The following TP63 variants were observed in gnomAD, a reference collection of about 807,000 sequenced individuals.
The protein encoded by TP63 is tumor protein p63, also known as tumor protein 63.
In TP63, 17 loss-of-function variants were observed where a neutral mutation model predicts 82.8. That is an observed-to-expected ratio of 0.21 (90% CI 0.14 to 0.31). The LOEUF (loss-of-function observed/expected upper bound fraction) is 0.31. Ranked by LOEUF, TP63 falls within the 10% of genes least tolerant of loss-of-function variation. The pLI, the probability that TP63 is intolerant of heterozygous loss-of-function variation, is 1.00. For missense variants in TP63, 648 were observed against 895.3 expected (o/e 0.72, Z 3.52); for synonymous variants, 330 against 321.7 (o/e 1.03, Z -0.28).
upstream of TP63, among the ~76,000 whole-genome samples, chr3:189,627,239 T>C (rs1385268072): frequency 6.6e-6 from 1 of 152,194 alleles, no homozygotes; most frequent in Non-Finnish European, 1.5e-5. Context: ...TATGTGATGA[T>C]TGAACTCTTA....
chr3:189,724,867 A>G (rs576941871), intron 1 of TP63, among the ~76,000 whole-genome samples: 1 of 152,264 alleles, frequency 6.6e-6, no homozygotes, highest in East Asian at 1.9e-4. Flanking sequence ...TTCTTCAGGC[A>G]GTGGGGTGGA....
the TP63 span, among the ~76,000 whole-genome samples, chr3:189,620,833 C>T: frequency 6.6e-6 from 1 of 152,354 alleles, no homozygotes; most frequent in East Asian, 1.9e-4. Context: ...AGCTCCCACA[C>T]TCCGTACCAC....
At chr3:189,890,680 T>TG (rs1720925487) in intron 12 of TP63, 109 bp from the exon 13 acceptor site, 2 of 847,100 alleles carry the variant, frequency 2.4e-6, no homozygotes, top group Admixed American at 2.0e-5. Context: ...ATCTCTGATG[T>TG]GGGGCATCCA....
chr3:189,878,119 A>G (rs1395835067), intron 10 of TP63, among the ~76,000 whole-genome samples: 1 of 152,120 alleles, frequency 6.6e-6, no homozygotes, highest in Non-Finnish European at 1.5e-5. Context: ...CATCAAGAAT[A>G]TTGATATTTT....
chr3:189,643,281 G>A (rs1473804980), intron 1 of TP63, among the ~76,000 whole-genome samples: 7 of 152,066 alleles, frequency 4.6e-5, no homozygotes, highest in Admixed American at 6.5e-5. Context: ...GACTACAGGC[G>A]TGAGCCACTG....
intron 1 of TP63, among the ~76,000 whole-genome samples, chr3:189,687,148 A>G (rs1417491580): frequency 6.6e-6 from 1 of 152,144 alleles, no homozygotes; most frequent in Non-Finnish European, 1.5e-5. Flanking sequence ...ACAGTTGGGC[A>G]AAATGAGCTC....
At chr3:189,692,270 T>C (rs1716992444) in intron 1 of TP63, among the ~76,000 whole-genome samples, 1 of 152,224 alleles carries the variant, frequency 6.6e-6, no homozygotes, top group Non-Finnish European at 1.5e-5. Context: ...GATTTTGTGT[T>C]AGAATATGTG....
intron 1 of TP63, among the ~76,000 whole-genome samples, chr3:189,676,046 A>G (rs192859146): frequency 5.5e-4 from 83 of 152,264 alleles, no homozygotes; most frequent in African/African-American, 2.0e-3. Context: ...TATAAAAATT[A>G]TATAGATTTA....
intron 1 of TP63, among the ~76,000 whole-genome samples, chr3:189,644,652 A>C (rs1158899867): frequency 6.6e-6 from 1 of 152,124 alleles, no homozygotes; most frequent in Non-Finnish European, 1.5e-5. Context: ...TGTAACCCAA[A>C]AGTGAGTAGT....
intron 3 of TP63, among the ~76,000 whole-genome samples, chr3:189,803,202 G>A (rs1220728805): frequency 6.6e-6 from 1 of 152,142 alleles, no homozygotes; most frequent in Non-Finnish European, 1.5e-5. Context: ...GGAGGCTGAG[G>A]GAGGAGAATC....
At chr3:189,652,991 G>A (rs1920271) in intron 1 of TP63, among the ~76,000 whole-genome samples, 72,103 of 144,234 alleles carry the variant, frequency 0.5, 22,086 homozygotes, top group Middle Eastern at 0.71. Context: ...TCAGTCTCAG[G>A]CATGTCTTTA....
chr3:189,798,739 C>T lies in TP63; in HGVS notation c.325-9533C>T, dbSNP rs558113667. On this transcript the variant is annotated intron_variant, in intron 3 of 13. Coordinates refer to ENST00000264731, the MANE Select transcript of TP63 (RefSeq NM_003722.5). ...TGAGAAACCTCAAAGCAATTTTTCT[C>T]TTAAACGTGGTATTCCAACTTTTGG... 2.4e-4 allele frequency among the ~76,000 whole-genome samples: 36 copies of T among 152,162 alleles called. 2 individuals carry two copies. In the South Asian group the frequency reaches 7.0e-3, roughly 30 times the overall value.
chr3:189,872,977 A>T lies in TP63; in HGVS notation c.1331A>T (p.Gln444Leu). Residue 444 changes from glutamine to leucine, a missense_variant, in exon 10 of 14, where the codon CAG becomes CTG. Transcript: ENST00000264731. ...TYRQQQQQQH[Q>L]HLLQKQTSIQ... ...AGGCAACAGCAACAGCAGCAGCACC[A>T]GCACTTACTTCAGAAACAGTGAGTG... 1.2e-6 allele frequency: 2 copies of T among 1,614,186 alleles called. No homozygotes were observed. The highest frequency in any genetic ancestry group is 1.7e-6 in the Non-Finnish European group (2 of 1,180,012).
intron 11 of TP63, among the ~76,000 whole-genome samples, chr3:189,888,924 C>T (rs1263374341): frequency 6.6e-6 from 1 of 152,218 alleles, no homozygotes; most frequent in Non-Finnish European, 1.5e-5. Context: ...AGCACCTACT[C>T]TGTGCCAGGC....
chr3:189,854,991 G>A (rs1027150945), intron 4 of TP63, among the ~76,000 whole-genome samples: 1 of 152,188 alleles, frequency 6.6e-6, no homozygotes, highest in African/African-American at 2.4e-5. Flanking sequence ...AGCAGAAGAA[G>A]TGAAAGTATT....
chr3:189,778,250 T>G (rs772605567), intron 3 of TP63, among the ~76,000 whole-genome samples: 25 of 152,236 alleles, frequency 1.6e-4, no homozygotes, highest in Non-Finnish European at 2.9e-4. Context: ...TGTGTTTGTC[T>G]ACAGGTGTAT....
chr3:189,893,066 A>T (rs964617792), intron 13 of TP63, among the ~76,000 whole-genome samples: 7 of 152,196 alleles, frequency 4.6e-5, no homozygotes, highest in African/African-American at 1.7e-4. Flanking sequence ...ATTGGGCATC[A>T]TCACTTCCTG....
intron 1 of TP63, among the ~76,000 whole-genome samples, chr3:189,722,057 C>G (rs987846439): frequency 8.5e-5 from 13 of 152,112 alleles, no homozygotes; most frequent in African/African-American, 3.1e-4. Flanking sequence ...TGAATTAGGT[C>G]AGAAGAATGT....
chr3:189,638,372 C>G (rs1041533912), intron 1 of TP63, among the ~76,000 whole-genome samples: 1 of 152,018 alleles, frequency 6.6e-6, no homozygotes, highest in African/African-American at 2.4e-5. Context: ...GGTAAAAGTA[C>G]TTGTATAGAA....
Sources: allele counts gnomAD v4.1 joint callset (sites outside exome capture counted in the v4.1 genomes callset), GRCh38; gene constraint gnomAD v4.1.1; transcripts MANE v1.5; gene names NCBI Gene and HGNC (gene_info 2026-07-23, HGNC 2026-07-21).